The following DLGAP2 variants were observed in gnomAD, a reference collection of about 807,000 sequenced individuals.
The protein encoded by DLGAP2 is disks large-associated protein 2.
A neutral mutation model predicts 100.3 loss-of-function variants in DLGAP2; 26 were observed. That is an observed-to-expected ratio of 0.26 (90% CI 0.19 to 0.36). The LOEUF is 0.36. Ranked by LOEUF, DLGAP2 falls within the 10% of genes least tolerant of loss-of-function variation. The pLI is 1.00. For synonymous variants in DLGAP2, 886 were observed against 630.1 expected (o/e 1.41, Z -6.08); for missense variants, 1,858 against 1,453.2 (o/e 1.28, Z -4.53).
At chr8:1,038,090 CTG>C (rs1802188075) in intron 2 of DLGAP2, among the ~76,000 whole-genome samples, 1 of 152,174 alleles carries the variant, frequency 6.6e-6, no homozygotes, top group Non-Finnish European at 1.5e-5. Flanking sequence ...TGTAGGTAGG[CTG>C]TGTGTGTTAA....
intron 12 of DLGAP2, among the ~76,000 whole-genome samples, chr8:1,690,903 A>C (rs1041587552): frequency 6.6e-6 from 1 of 152,044 alleles, no homozygotes; most frequent in Non-Finnish European, 1.5e-5. Context: ...CATATTCAGT[A>C]ACTTGTGACC....
At chr8:1,473,073 G>A (rs904195453) in intron 3 of DLGAP2, among the ~76,000 whole-genome samples, 5 of 152,118 alleles carry the variant, frequency 3.3e-5, no homozygotes, top group African/African-American at 4.8e-5. Flanking sequence ...TGGGATTACA[G>A]GCACCTGCCA....
At chr8:1,052,218 C>T (rs1282478838) in intron 2 of DLGAP2, among the ~76,000 whole-genome samples, 1 of 152,194 alleles carries the variant, frequency 6.6e-6, no homozygotes, top group Non-Finnish European at 1.5e-5. Flanking sequence ...CCCCCATTCT[C>T]ATGCATGTAG....
chr8:1,632,695 C>A, intron 7 of DLGAP2, 132 bp from the exon 8 acceptor site: 1 of 840,276 alleles, frequency 1.2e-6, no homozygotes, highest in Non-Finnish European at 1.8e-6. Flanking sequence ...CCCATGCTGA[C>A]TTCAGGTTAA....
At chr8:971,643 G>T (rs1254017560) in intron 2 of DLGAP2, among the ~76,000 whole-genome samples, 1 of 152,200 alleles carries the variant, frequency 6.6e-6, no homozygotes, top group Non-Finnish European at 1.5e-5. Context: ...GGTTGCTCAG[G>T]TGAAGATCAT....
At chr8:1,337,571 G>C (rs573322028) in intron 3 of DLGAP2, among the ~76,000 whole-genome samples, 6 of 7,090 alleles carry the variant, frequency 8.5e-4, no homozygotes, top group Non-Finnish European at 2.7e-3. Context: ...GTGATGAAGA[G>C]GAGGAGGAAG....
At chr8:940,688 C>G (rs750547904) in intron 2 of DLGAP2, among the ~76,000 whole-genome samples, 1 of 152,166 alleles carries the variant, frequency 6.6e-6, no homozygotes, top group Non-Finnish European at 1.5e-5. Flanking sequence ...GATGCTCTCC[C>G]TCTTCTCCCA....
At chr8:1,204,947 C>T (rs893610330) in intron 2 of DLGAP2, among the ~76,000 whole-genome samples, 21 of 152,144 alleles carry the variant, frequency 1.4e-4, no homozygotes, top group Admixed American at 2.6e-4. Context: ...TGAAAATGGT[C>T]CTCCAGCAGG....
chr8:1,292,659 G>A (rs559696346), intron 3 of DLGAP2, among the ~76,000 whole-genome samples: 5 of 152,186 alleles, frequency 3.3e-5, no homozygotes, highest in Admixed American at 6.5e-5. Flanking sequence ...AACGGCCTCC[G>A]TCGCTCGGAC....
chr8:1,571,473 G>T (rs1454103450), intron 6 of DLGAP2, among the ~76,000 whole-genome samples: 1 of 144,534 alleles, frequency 6.9e-6, no homozygotes, highest in Non-Finnish European at 1.5e-5. Flanking sequence ...GAACTGTGGG[G>T]TGTCTGATGA....
rs149758522 is a variant in DLGAP2, at chr8:1,408,938, A to T, written c.107-92428A>T. The stretch of plus-strand genomic sequence containing the variant: ...TGGGCCACAGGGTCTGTCTTGTTGG[A>T]GACAGTGGACATTTAATCGATGTCT... On this transcript the variant is annotated intron_variant, in intron 3 of 14. Transcript: ENST00000637795. 3.6e-3 allele frequency among the ~76,000 whole-genome samples: 543 copies of T among 152,340 alleles called. 2 individuals are homozygous for T. The highest frequency in any genetic ancestry group is 0.012 in the African/African-American group (509 of 41,584).
chr8:1,485,513 C>T (rs760471725), intron 3 of DLGAP2, among the ~76,000 whole-genome samples: 4 of 152,310 alleles, frequency 2.6e-5, no homozygotes, highest in Admixed American at 6.5e-5. Context: ...TTATAGCAGA[C>T]GCGGTTAAGG....
chr8:1,080,737 C>G (rs1297323418), intron 2 of DLGAP2, among the ~76,000 whole-genome samples: 1 of 152,168 alleles, frequency 6.6e-6, no homozygotes, highest in Non-Finnish European at 1.5e-5. Context: ...GTGGCTGTCT[C>G]TGTTCCAGTT....
intron 10 of DLGAP2, 115 bp from the exon 11 acceptor site, chr8:1,676,418 G>A: frequency 8.2e-6 from 9 of 1,094,784 alleles, no homozygotes; most frequent in Non-Finnish European, 1.2e-5. Flanking sequence ...GTGCACCGCT[G>A]CATTAATTAA....
chr8:1,164,187 G>GGATA (rs1554494629), intron 2 of DLGAP2, among the ~76,000 whole-genome samples: 1 of 20,834 alleles, frequency 4.8e-5, no homozygotes, highest in Non-Finnish European at 8.9e-5. Context: ...TGGTTTGTGG[G>GGATA]GATTTTTCTG....
intron 14 of DLGAP2, among the ~76,000 whole-genome samples, chr8:1,698,469 C>T (rs979021572): frequency 3.4e-4 from 51 of 150,458 alleles, no homozygotes; most frequent in African/African-American, 1.2e-3. Context: ...GGGACAGGTC[C>T]ACGTAAGCCA....
intron 7 of DLGAP2, among the ~76,000 whole-genome samples, chr8:1,631,628 C>T (rs976111397): frequency 2.6e-5 from 4 of 152,170 alleles, no homozygotes; most frequent in Admixed American, 2.6e-4. Flanking sequence ...AAGGCCACCC[C>T]GCCGGCATTG....
intron 3 of DLGAP2, among the ~76,000 whole-genome samples, chr8:1,451,333 C>A (rs895193262): frequency 2.0e-5 from 3 of 152,138 alleles, no homozygotes; most frequent in African/African-American, 7.2e-5. Flanking sequence ...AAGGCCGGCA[C>A]CCCTTTCCCT....
chr8:889,540 C>T (rs1231598394), intron 1 of DLGAP2, among the ~76,000 whole-genome samples: 1 of 152,178 alleles, frequency 6.6e-6, no homozygotes, highest in Non-Finnish European at 1.5e-5. Flanking sequence ...AAGGATGGGT[C>T]AGGGTCGAGC....
Sources: allele counts gnomAD v4.1 joint callset (sites outside exome capture counted in the v4.1 genomes callset), GRCh38; gene constraint gnomAD v4.1.1; transcripts MANE v1.5; gene names NCBI Gene and HGNC (gene_info 2026-07-23, HGNC 2026-07-21).